NBAS: variants seen among roughly 807,000 people sequenced by gnomAD.
The protein encoded by NBAS is NAG/BC035112 fusion.
In NBAS, 219 loss-of-function variants were observed where a neutral mutation model predicts 302.5. That is an observed-to-expected ratio of 0.72 (90% CI 0.65 to 0.81). The LOEUF (loss-of-function observed/expected upper bound fraction) is 0.81. NBAS is among the 30% of genes least tolerant of loss of function. The probability of loss-of-function intolerance (pLI) is 0.00; values close to 1 mark genes in which losing one functional copy is unlikely to be tolerated. For missense variants in NBAS, 2,932 were observed against 2,841.6 expected, an observed-to-expected ratio of 1.03 and a Z score of -0.72; for synonymous variants, 1,118 against 1,021.6, an observed-to-expected ratio of 1.09 and a Z score of -1.80.
At chr2:15,255,182 A>G (rs1156924113) in intron 44 of NBAS, among the ~76,000 whole-genome samples, 4 of 152,238 alleles carry the variant, frequency 2.6e-5, no homozygotes, top group African/African-American at 4.8e-5. Context: ...CATTCCCACC[A>G]GCAGTGTAAA....
chr2:15,347,647 A>G (rs1199536327), intron 35 of NBAS, among the ~76,000 whole-genome samples: 1 of 152,198 alleles, frequency 6.6e-6, no homozygotes, highest in Admixed American at 6.5e-5. Flanking sequence ...CCTTGTATAC[A>G]ATCCATTTCT....
the NBAS span, among the ~76,000 whole-genome samples, chr2:15,059,632 G>A: frequency 6.6e-6 from 1 of 152,080 alleles, no homozygotes; most frequent in Non-Finnish European, 1.5e-5. Flanking sequence ...GATCCCACCT[G>A]GGGAGTTGAA....
the NBAS span, among the ~76,000 whole-genome samples, chr2:14,854,808 C>G: frequency 6.6e-6 from 1 of 152,312 alleles, no homozygotes. Flanking sequence ...CTATAGCACT[C>G]TGTTTCTCCA....
At chr2:15,174,472 C>T (rs140172941) in intron 51 of NBAS, among the ~76,000 whole-genome samples, 1 of 152,272 alleles carries the variant, frequency 6.6e-6, no homozygotes, top group Non-Finnish European at 1.5e-5. Flanking sequence ...TTAGGAGGTG[C>T]TCTCGTGTCA....
At chr2:14,840,407 CAG>C in the NBAS span, among the ~76,000 whole-genome samples, 1 of 151,898 alleles carries the variant, frequency 6.6e-6, no homozygotes, top group African/African-American at 2.4e-5. Context: ...CCTTGATAAA[CAG>C]AGAAATATTA....
chr2:14,879,501 A>C, the NBAS span, among the ~76,000 whole-genome samples: 1 of 152,198 alleles, frequency 6.6e-6, no homozygotes, highest in African/African-American at 2.4e-5. Flanking sequence ...TTTTATTTTG[A>C]TATAATTTTG....
In NBAS at chr2:15,426,492, C is replaced by T. The variant is rs116320885; in HGVS notation, c.2423+1219G>A. On this transcript the variant is annotated intron_variant, in intron 22 of 51. Coordinates refer to ENST00000281513, the MANE Select transcript of NBAS (RefSeq NM_015909.4). ...TGTTTTTTAAATAACTGGTCTCTTACTTTCTAGCTATGTATTTTTAACCTA... is the reference window on the plus strand; with the variant it reads ...TGTTTTTTAAATAACTGGTCTCTTATTTTCTAGCTATGTATTTTTAACCTA... 8.1e-3 allele frequency among the ~76,000 whole-genome samples: 1,238 copies of T among 152,238 alleles called. 14 individuals are homozygous for T. Among genetic ancestry groups the T allele is most frequent in the African/African-American group, 0.028 (1,169 of 41,544 alleles).
At chr2:14,933,068 G>A in the NBAS span, among the ~76,000 whole-genome samples, 4 of 152,206 alleles carry the variant, frequency 2.6e-5, no homozygotes, top group Admixed American at 2.6e-4. Context: ...AGCTGCAGAA[G>A]TTTTTGGAGA....
chr2:15,398,331 G>C (rs958583028), intron 26 of NBAS, among the ~76,000 whole-genome samples: 1 of 152,012 alleles, frequency 6.6e-6, no homozygotes, highest in Admixed American at 6.6e-5. Context: ...TTTTTGTAGA[G>C]ATGGGGTCTT....
the NBAS span, among the ~76,000 whole-genome samples, chr2:14,790,607 A>C: frequency 6.6e-6 from 1 of 152,024 alleles, no homozygotes; most frequent in Admixed American, 6.6e-5. Context: ...CCACTCTTTC[A>C]ATCTCATGAA....
chr2:14,929,570 G>C, the NBAS span, among the ~76,000 whole-genome samples: 1 of 152,082 alleles, frequency 6.6e-6, no homozygotes, highest in Non-Finnish European at 1.5e-5. Flanking sequence ...TAGATACAGG[G>C]TTTCACCATG....
intron 42 of NBAS, among the ~76,000 whole-genome samples, chr2:15,283,040 C>A (rs751707284): frequency 6.6e-6 from 1 of 152,036 alleles, no homozygotes; most frequent in African/African-American, 2.4e-5. Context: ...CTTTTGTGGG[C>A]GTCAGGGTGA....
At chr2:15,374,226 G>C (rs1397196837) in intron 31 of NBAS, among the ~76,000 whole-genome samples, 4 of 151,960 alleles carry the variant, frequency 2.6e-5, no homozygotes, top group African/African-American at 9.7e-5. Flanking sequence ...TTTATTTATA[G>C]CTAGTTATTA....
At chr2:15,546,505 G>C (rs1664122644) in intron 6 of NBAS, among the ~76,000 whole-genome samples, 1 of 152,056 alleles carries the variant, frequency 6.6e-6, no homozygotes, top group South Asian at 2.1e-4. Context: ...AAGGCAGGTG[G>C]ATCATTTGAT....
the NBAS span, among the ~76,000 whole-genome samples, chr2:14,915,387 G>A: frequency 6.6e-6 from 1 of 152,106 alleles, no homozygotes; most frequent in Non-Finnish European, 1.5e-5. Context: ...TGCGTGACCT[G>A]GCACAAGTTA....
chr2:15,533,679 C>CGTGTGT lies in NBAS; in HGVS notation c.746+858_746+863dup, dbSNP rs59222907. On this transcript the variant is annotated intron_variant, in intron 9 of 51. Coordinates refer to ENST00000281513, the MANE Select transcript of NBAS (RefSeq NM_015909.4). ...CACAAGGAGGACTTCGGGGGGTGTGCGTGTGTGTGTGTGTGTGTGTGTGTG... is the reference window on the plus strand; with the variant it reads ...CACAAGGAGGACTTCGGGGGGTGTGCGTGTGTGTGTGTGTGTGTGTGTGTGTGTGTG... Among the ~76,000 whole-genome samples, 710 of 143,986 alleles carry CGTGTGT rather than the reference C, an allele frequency of 4.9e-3. 8 individuals carry two copies. Among genetic ancestry groups the CGTGTGT allele is most frequent in the East Asian group, 0.017 (78 of 4,602 alleles). The allele number at this position is 143,986 out of a possible 152,430, so 94.5% of individuals were successfully genotyped here. A position where few individuals can be genotyped will look rare whatever the true frequency, so the allele number is the denominator to read the frequency against.
At chr2:15,530,679 A>G (rs1184261740) in intron 9 of NBAS, among the ~76,000 whole-genome samples, 2 of 152,228 alleles carry the variant, frequency 1.3e-5, no homozygotes, top group East Asian at 3.9e-4. Context: ...GAAAAAAATT[A>G]CAGGTCATTC....
At chr2:15,223,930 G>A (rs1422758035) in intron 47 of NBAS, among the ~76,000 whole-genome samples, 1 of 151,998 alleles carries the variant, frequency 6.6e-6, no homozygotes, top group Non-Finnish European at 1.5e-5. Context: ...TCCCTATAAT[G>A]AGATTGGGGA....
chr2:15,056,985 C>T, the NBAS span, among the ~76,000 whole-genome samples: 5 of 151,918 alleles, frequency 3.3e-5, no homozygotes, highest in African/African-American at 9.7e-5. Flanking sequence ...CTTGCCACCA[C>T]GCCCGGCTAA....
Sources: gnomAD v4.1 joint callset for allele counts (sites outside exome capture counted in the v4.1 genomes callset) on GRCh38, gnomAD v4.1.1 for gene constraint, MANE v1.5 for transcripts, NCBI Gene and HGNC (gene_info 2026-07-23, HGNC 2026-07-21) for gene names.